Variants in CABIN1 observed in about 807,000 individuals in gnomAD.
CABIN1 encodes the protein calcineurin binding protein 1, also known as calcineurin-binding protein cabin-1.
A neutral mutation model predicts 227.7 loss-of-function variants in CABIN1; 133 were observed. The observed-to-expected ratio is 0.58, with a 90% CI of 0.51 to 0.67. The LOEUF (loss-of-function observed/expected upper bound fraction) is 0.67, where lower values mean the gene tolerates loss of function less well. CABIN1 is among the 30% of genes least tolerant of loss of function. CABIN1 has a pLI of 0.00. For synonymous variants in CABIN1, 1,086 were observed against 1,155.1 expected (o/e 0.94, Z 1.21); for missense variants, 2,408 against 2,852.5 (o/e 0.84, Z 3.55).
intron 29 of CABIN1, among the ~76,000 whole-genome samples, chr22:24,162,516 C>T (rs1208322439): frequency 6.6e-6 from 1 of 152,250 alleles, no homozygotes; most frequent in Non-Finnish European, 1.5e-5. Context: ...AACAAGGGCA[C>T]ACTAGCTGGC....
chr22:24,050,833 C>G lies in CABIN1; in HGVS notation c.665C>G (p.Ser222Trp). 6.2e-7 allele frequency: 1 copy of G among 1,614,134 alleles called. No homozygotes were observed. Among genetic ancestry groups the G allele is most frequent in the Non-Finnish European group, 8.5e-7 (1 of 1,180,020 alleles). ...SLRMFLKCDMSIHDVSVSAAE... is the reference protein window; with the variant it reads ...SLRMFLKCDMWIHDVSVSAAE... ...GTCTCACATGCTTTTAGTGACATGTCGATTCACGATGTTTCGGTGAGTGCA... is the reference window on the plus strand; with the variant it reads ...GTCTCACATGCTTTTAGTGACATGTGGATTCACGATGTTTCGGTGAGTGCA... The change falls in exon 8 of 37, where the codon TCG (serine) becomes TGG (tryptophan). Residue 222 changes from serine to tryptophan, a missense_variant. This residue lies in a region of CABIN1 where 1,045 missense variants were observed against 1,168.4 expected (regional missense o/e 0.89). Transcript: ENST00000263119.
chr22:24,042,612 G>A (rs925631686), intron 5 of CABIN1, among the ~76,000 whole-genome samples: 9 of 152,100 alleles, frequency 5.9e-5, no homozygotes, highest in Non-Finnish European at 1.3e-4. Flanking sequence ...AAAATTCTAA[G>A]TTAAATAACT....
chr22:24,177,276 T>TA lies in CABIN1; in HGVS notation c.6206-227dup, dbSNP rs2047170172. On this transcript the variant is annotated intron_variant, in intron 35 of 36. Coordinates refer to ENST00000263119, the MANE Select transcript of CABIN1 (RefSeq NM_012295.4). This position sits in a 1 kb window ranked among gnomAD's most constrained non-coding sequence, Gnocchi z 4.4. ...GTCCTGGGCTTTGAGTTCATGGTGT[T>TA]ACTGGGTAAGGTTCACAGTCCCAGC... Among the ~76,000 whole-genome samples the TA allele has an allele frequency of 6.6e-6, 1 of 152,172 alleles. No individual in the cohort carries two copies. Among genetic ancestry groups the TA allele is most frequent in the Non-Finnish European group, 1.5e-5 (1 of 68,016 alleles).
chr22:24,139,283 G>A lies in CABIN1; in HGVS notation c.4746+4868G>A, dbSNP rs540925790. 5.3e-5 allele frequency among the ~76,000 whole-genome samples: 8 copies of A among 152,316 alleles called. No individual in the cohort carries two copies. In the South Asian group the frequency reaches 1.7e-3, roughly 32 times the overall value. On this transcript the variant is annotated intron_variant, in intron 29 of 36. Coordinates refer to ENST00000263119, the MANE Select transcript of CABIN1 (RefSeq NM_012295.4). The stretch of plus-strand genomic sequence containing the variant: ...GATGTGTCGTGCGGCTTTTTAAAAA[G>A]TGCGTGTGTGGCTGGGTGCAGTGGC...
intron 29 of CABIN1, among the ~76,000 whole-genome samples, chr22:24,158,629 C>T (rs935411765): frequency 2.0e-5 from 3 of 152,104 alleles, no homozygotes; most frequent in Non-Finnish European, 2.9e-5. Flanking sequence ...ACTCGGCTGC[C>T]CATTTCCTCA....
At chr22:24,089,020 C>T (rs1233636031) in intron 23 of CABIN1, among the ~76,000 whole-genome samples, 4 of 152,138 alleles carry the variant, frequency 2.6e-5, no homozygotes, top group Admixed American at 2.6e-4. Flanking sequence ...AAGCTGCTGC[C>T]CTAGGATGCA....
At chr22:24,035,578 C>A in intron 2 of CABIN1, 58 bp downstream of exon 2, 1 of 1,606,852 alleles carries the variant, frequency 6.2e-7, no homozygotes, top group Non-Finnish European at 8.5e-7. Context: ...TACGTTACTC[C>A]TGGGGGCGAG....
At chr22:24,031,127 C>G (rs2036462829) in intron 1 of CABIN1, among the ~76,000 whole-genome samples, 1 of 152,172 alleles carries the variant, frequency 6.6e-6, no homozygotes, top group South Asian at 2.1e-4. Context: ...TTAATGGGCC[C>G]CTCCCTTGTT....
At chr22:24,170,401 A>G (rs2046724753) in intron 33 of CABIN1, among the ~76,000 whole-genome samples, 2 of 152,166 alleles carry the variant, frequency 1.3e-5, no homozygotes, top group Non-Finnish European at 2.9e-5. Flanking sequence ...ACATAATTAG[A>G]GGCTCAGTGC....
chr22:24,035,407 A>G, intron 1 of CABIN1, 37 bp from the exon 2 acceptor site: 2 of 1,445,352 alleles, frequency 1.4e-6, no homozygotes, highest in Non-Finnish European at 1.9e-6. Context: ...CTGGCTCTTC[A>G]TAGGCCTTGT....
chr22:24,166,140 G>A (rs1461309002), intron 31 of CABIN1, among the ~76,000 whole-genome samples: 1 of 152,214 alleles, frequency 6.6e-6, no homozygotes, highest in Non-Finnish European at 1.5e-5. Context: ...GCTTGGTAGA[G>A]GGCATCAACT....
At chr22:24,065,019 A>G (rs1440127698) in intron 15 of CABIN1, among the ~76,000 whole-genome samples, 12 of 152,234 alleles carry the variant, frequency 7.9e-5, no homozygotes, top group Admixed American at 3.3e-4. Flanking sequence ...CCCGTTCTCA[A>G]TGAGCTGTTG....
At position 24,083,331 on chromosome 22, in the gene CABIN1, A is replaced by T. The variant is rs1446615768; in HGVS notation, c.2852A>T (p.Tyr951Phe). 4.3e-6 allele frequency: 7 copies of T among 1,613,944 alleles called. No homozygotes were observed. The highest frequency in any genetic ancestry group is 5.9e-6 in the Non-Finnish European group (7 of 1,180,030). The change falls in exon 20 of 37, where the codon TAC (tyrosine) becomes TTC (phenylalanine). Residue 951 changes from tyrosine (Y) to phenylalanine (F), a missense_variant. Around this residue, in one of 3 missense-constraint regions of CABIN1, gnomAD observed 649 missense variants for 910.3 expected, o/e 0.71. Transcript: ENST00000263119. The stretch of plus-strand genomic sequence containing the variant: ...TTGGAGCAGTGCTTCTACTGCCTGT[A>T]CAGCTTCCCCAGCAAGAAGAGTAAG... ...TALEQCFYCL[Y>F]SFPSKKSKAR...
chr22:24,125,043 A>G (rs1383091041), intron 28 of CABIN1, among the ~76,000 whole-genome samples: 1 of 152,232 alleles, frequency 6.6e-6, no homozygotes, highest in Non-Finnish European at 1.5e-5. Context: ...GGAAACCTAG[A>G]GGACATAATG....
chr22:24,149,989 A>G (rs1222147830), intron 29 of CABIN1, among the ~76,000 whole-genome samples: 1 of 152,192 alleles, frequency 6.6e-6, no homozygotes, highest in Admixed American at 6.5e-5. Flanking sequence ...TGGGGAAGGA[A>G]CCTGGCCCTG....
intron 17 of CABIN1, among the ~76,000 whole-genome samples, chr22:24,072,021 T>C (rs941258902): frequency 6.6e-6 from 1 of 152,130 alleles, no homozygotes; most frequent in Non-Finnish European, 1.5e-5. Context: ...CCATACTGAC[T>C]CTTTGCACTT....
chr22:24,057,074 C>G (rs975300077), intron 10 of CABIN1, among the ~76,000 whole-genome samples: 11 of 152,106 alleles, frequency 7.2e-5, no homozygotes, highest in Admixed American at 7.2e-4. Flanking sequence ...ATAGCTGGGA[C>G]TACAGGTGCC....
chr22:24,039,634 G>T (rs535845259), intron 4 of CABIN1, among the ~76,000 whole-genome samples: 1 of 152,344 alleles, frequency 6.6e-6, no homozygotes, highest in South Asian at 2.1e-4. Flanking sequence ...GGTGGGCCCA[G>T]CATCCAACAG....
chr22:24,124,607 T>G (rs1325704297), intron 28 of CABIN1, among the ~76,000 whole-genome samples: 2 of 152,250 alleles, frequency 1.3e-5, no homozygotes, highest in Non-Finnish European at 2.9e-5. Flanking sequence ...GATCACAATC[T>G]TCACCAAGAT....
Sources: gnomAD v4.1 joint callset for allele counts (sites outside exome capture counted in the v4.1 genomes callset) on GRCh38, gnomAD v4.1.1 for gene constraint, gnomAD v4.1.1 regional missense constraint, Gnocchi (gnomAD v3.1) non-coding constraint, MANE v1.5 for transcripts, NCBI Gene and HGNC (gene_info 2026-07-23, HGNC 2026-07-21) for gene names.